The following DACH1 variants were observed in gnomAD, a reference collection of about 807,000 sequenced individuals.
DACH1 encodes dachshund family transcription factor 1.
DACH1 carries 12 observed loss-of-function variants against 54.2 expected under a neutral mutation model. That is an observed-to-expected ratio of 0.22 (90% confidence interval 0.14 to 0.36). DACH1 has a LOEUF of 0.36. DACH1 is among the 10% of genes least tolerant of loss of function. DACH1 has a pLI of 1.00. For missense variants in DACH1, 805 were observed against 929.8 expected (o/e 0.87, Z 1.75); for synonymous variants, 386 against 366.2 (o/e 1.05, Z -0.62).
At chr13:71,606,609 G>C (rs929414609) in intron 3 of DACH1, among the ~76,000 whole-genome samples, 5 of 151,896 alleles carry the variant, frequency 3.3e-5, no homozygotes, top group Admixed American at 6.6e-5. Context: ...CTTTTCTCTT[G>C]TATGCAAACA....
At chr13:71,508,009 T>C (rs1209423492) in intron 6 of DACH1, among the ~76,000 whole-genome samples, 1 of 152,182 alleles carries the variant, frequency 6.6e-6, no homozygotes, top group Non-Finnish European at 1.5e-5. Flanking sequence ...ATTAAAAGAA[T>C]GCTTTTCTGA....
At chr13:71,837,244 T>C (rs575108073) in intron 1 of DACH1, among the ~76,000 whole-genome samples, 1 of 152,260 alleles carries the variant, frequency 6.6e-6, no homozygotes, top group East Asian at 1.9e-4. Flanking sequence ...ACACGTATGA[T>C]AATATATAAA....
intron 6 of DACH1, among the ~76,000 whole-genome samples, chr13:71,502,161 T>C (rs1879969998): frequency 6.6e-6 from 1 of 152,112 alleles, no homozygotes; most frequent in South Asian, 2.1e-4. Context: ...ATTTTCCATT[T>C]CACTCCTCCG....
chr13:71,797,969 CAA>C (rs1333884069), intron 1 of DACH1, among the ~76,000 whole-genome samples: 4 of 152,004 alleles, frequency 2.6e-5, no homozygotes, highest in Non-Finnish European at 4.4e-5. Context: ...ACTGTAATTT[CAA>C]AAGAGTTTTC....
chr13:71,678,153 A>T (rs1880682223), intron 2 of DACH1, among the ~76,000 whole-genome samples: 1 of 152,222 alleles, frequency 6.6e-6, no homozygotes, highest in Non-Finnish European at 1.5e-5. Flanking sequence ...AAAGTACATA[A>T]ATAAAGTCCT....
At chr13:71,626,747 T>C (rs1436007080) in intron 3 of DACH1, among the ~76,000 whole-genome samples, 1 of 152,058 alleles carries the variant, frequency 6.6e-6, no homozygotes, top group African/African-American at 2.4e-5. Flanking sequence ...CATCTATTTC[T>C]ATGGCCAAAT....
At chr13:71,446,902 T>C (rs1213976661) in intron 10 of DACH1, among the ~76,000 whole-genome samples, 1 of 152,248 alleles carries the variant, frequency 6.6e-6, no homozygotes, top group East Asian at 1.9e-4. Context: ...GGGAGGTTGA[T>C]ATGACAGAAA....
chr13:71,801,231 G>C (rs1887276746), intron 1 of DACH1, among the ~76,000 whole-genome samples: 1 of 152,054 alleles, frequency 6.6e-6, no homozygotes, highest in Admixed American at 6.6e-5. Context: ...CATAAATAGG[G>C]TGCAAATCAA....
At chr13:71,829,862 T>C (rs1888516861) in intron 1 of DACH1, among the ~76,000 whole-genome samples, 1 of 151,896 alleles carries the variant, frequency 6.6e-6, no homozygotes, top group Non-Finnish European at 1.5e-5. Context: ...TTTGAGACCA[T>C]CTAGTAATAA....
chr13:71,593,304 T>C (rs1873865007), intron 3 of DACH1, among the ~76,000 whole-genome samples: 1 of 152,176 alleles, frequency 6.6e-6, no homozygotes, highest in Non-Finnish European at 1.5e-5. Flanking sequence ...GTTCCAATTG[T>C]CTAGATTCTA....
At chr13:71,756,972 G>A (rs1299335028) in intron 1 of DACH1, among the ~76,000 whole-genome samples, 2 of 152,030 alleles carry the variant, frequency 1.3e-5, no homozygotes, top group Non-Finnish European at 2.9e-5. Context: ...TAACAAATTT[G>A]TAACAAAAAA....
At chr13:71,692,286 G>C (rs1881524752) in intron 1 of DACH1, among the ~76,000 whole-genome samples, 1 of 151,936 alleles carries the variant, frequency 6.6e-6, no homozygotes, top group Non-Finnish European at 1.5e-5. Context: ...CCCATCCTTA[G>C]CATGGTTAGT....
chr13:71,556,998 A>T, intron 6 of DACH1, 26 bp downstream of exon 6: 1 of 1,562,854 alleles, frequency 6.4e-7, no homozygotes. Context: ...ATCGGGAAAA[A>T]CAAGGAATAT....
intron 1 of DACH1, among the ~76,000 whole-genome samples, chr13:71,797,874 C>T (rs1302075877): frequency 3.9e-5 from 6 of 152,116 alleles, no homozygotes; most frequent in Non-Finnish European, 8.8e-5. Flanking sequence ...CATCCTACTC[C>T]AGCACCTCCT....
At chr13:71,497,362 G>T (rs572049130) in intron 6 of DACH1, among the ~76,000 whole-genome samples, 3 of 150,652 alleles carry the variant, frequency 2.0e-5, no homozygotes, top group Admixed American at 1.3e-4. Flanking sequence ...ACTGAGTTTC[G>T]CTCTTATTGC....
Position 71,732,529 on chromosome 13 carries a change from G to A in DACH1, c.849-50619C>T, listed in dbSNP as rs373675972. On this transcript the variant is annotated intron_variant, in intron 1 of 10. Transcript: ENST00000613252. ...GAACCCGGGAGGTGGAGGTTGCAGT[G>A]AGCTGAGACCACGCCACTGCACTCC... 2.0e-4 allele frequency among the ~76,000 whole-genome samples: 30 copies of A among 150,412 alleles called. No individual in the cohort carries two copies. The East Asian group carries it at 4.9e-3, about 25-fold the overall frequency.
At chr13:71,571,877 A>G (rs1885230149) in intron 4 of DACH1, among the ~76,000 whole-genome samples, 1 of 151,998 alleles carries the variant, frequency 6.6e-6, no homozygotes, top group Non-Finnish European at 1.5e-5. Context: ...CTGGGACTAC[A>G]GGCGCCCGCC....
At chr13:71,558,238 G>A (rs920204779) in intron 5 of DACH1, among the ~76,000 whole-genome samples, 7 of 151,718 alleles carry the variant, frequency 4.6e-5, no homozygotes, top group Non-Finnish European at 7.4e-5. Flanking sequence ...TGACTGATGA[G>A]GTAAATCAGG....
At chr13:71,522,453 C>T (rs572210857) in intron 6 of DACH1, among the ~76,000 whole-genome samples, 7 of 152,086 alleles carry the variant, frequency 4.6e-5, no homozygotes, top group Non-Finnish European at 7.4e-5. Flanking sequence ...ACACTACTTT[C>T]GCCCCAAATA....
Sources: allele counts gnomAD v4.1 joint callset (sites outside exome capture counted in the v4.1 genomes callset), GRCh38; gene constraint gnomAD v4.1.1; transcripts MANE v1.5; gene names NCBI Gene and HGNC (gene_info 2026-07-23, HGNC 2026-07-21).